The following STAC variants were observed in gnomAD, a reference collection of about 807,000 sequenced individuals.
The protein encoded by STAC is SH3 and cysteine rich domain.
Under a neutral mutation model 48.8 loss-of-function variants are expected in STAC, and 43 were observed. The ratio of observed to expected loss-of-function variants is 0.88; its 90% CI spans 0.69 to 1.14. The LOEUF is 1.14. Ranked by LOEUF, STAC falls within the 50% of genes most tolerant of loss-of-function variation. The probability of loss-of-function intolerance (pLI) is 0.00; values close to 1 mark genes in which losing one functional copy is unlikely to be tolerated. For synonymous variants in STAC, 193 were observed against 179.5 expected (o/e 1.07, Z -0.60); for missense variants, 497 against 504.0 (o/e 0.99, Z 0.13).
intron 1 of STAC, among the ~76,000 whole-genome samples, chr3:36,400,314 C>T (rs1699975281): frequency 6.6e-6 from 1 of 152,176 alleles, no homozygotes; most frequent in South Asian, 2.1e-4. Context: ...GTCATTTGTC[C>T]ACGTGTTATA....
chr3:36,455,374 T>C (rs764785242), intron 2 of STAC, among the ~76,000 whole-genome samples: 29 of 152,196 alleles, frequency 1.9e-4, no homozygotes, highest in Non-Finnish European at 4.0e-4. Flanking sequence ...AAGAGTTTTC[T>C]TTACTTGAAG....
At chr3:36,526,511 A>C (rs1158874453) in intron 8 of STAC, among the ~76,000 whole-genome samples, 1 of 152,172 alleles carries the variant, frequency 6.6e-6, no homozygotes, top group Non-Finnish European at 1.5e-5. Context: ...AGAAATGTGG[A>C]ATAGGGCAAA....
rs568329069 is a variant in STAC, at chr3:36,500,327, A to G, written c.767-4066A>G. On this transcript the variant is annotated intron_variant, in intron 6 of 10. Coordinates refer to ENST00000273183, the MANE Select transcript of STAC (RefSeq NM_003149.3). ...GGATGGAGCTAGAAGCCATTATCCT[A>G]AACAAACCAATGCAGAAACAGAAAA... Among the ~76,000 whole-genome samples the G allele has an allele frequency of 7.9e-4, 120 of 152,340 alleles. No individual in the cohort carries two copies. In the Middle Eastern group the frequency reaches 0.01, roughly 13 times the overall value.
intron 8 of STAC, among the ~76,000 whole-genome samples, chr3:36,510,087 C>T (rs957455609): frequency 2.6e-5 from 4 of 151,838 alleles, no homozygotes; most frequent in African/African-American, 7.3e-5. Flanking sequence ...TATGCAGAAT[C>T]GACAAGGAAC....
At chr3:36,519,567 C>T (rs547378809) in intron 8 of STAC, among the ~76,000 whole-genome samples, 1 of 152,276 alleles carries the variant, frequency 6.6e-6, no homozygotes, top group African/African-American at 2.4e-5. Flanking sequence ...CACTTTATCC[C>T]TTTTTGGCCC....
At chr3:36,425,072 C>T (rs1405003160) in intron 1 of STAC, among the ~76,000 whole-genome samples, 2 of 152,138 alleles carry the variant, frequency 1.3e-5, no homozygotes, top group Non-Finnish European at 2.9e-5. Context: ...ATCTCAAAGT[C>T]TCATAGTCAC....
At chr3:36,433,522 A>G (rs1285993106) in intron 1 of STAC, among the ~76,000 whole-genome samples, 1 of 152,206 alleles carries the variant, frequency 6.6e-6, no homozygotes, top group African/African-American at 2.4e-5. Flanking sequence ...CCTGTTTCTG[A>G]CATATTAGAG....
chr3:36,446,948 T>C, intron 2 of STAC, among the ~76,000 whole-genome samples: 1 of 152,174 alleles, frequency 6.6e-6, no homozygotes, highest in East Asian at 1.9e-4. Context: ...GAAATAATAA[T>C]GACAATGTCT....
intron 10 of STAC, among the ~76,000 whole-genome samples, chr3:36,531,854 T>C (rs1373700171): frequency 1.3e-5 from 2 of 152,190 alleles, no homozygotes; most frequent in Non-Finnish European, 2.9e-5. Context: ...TCTTCAAATA[T>C]TGTGTCACCA....
intron 5 of STAC, 40 bp from the exon 6 acceptor site, chr3:36,493,111 T>G (rs1233127227): frequency 6.3e-6 from 10 of 1,588,438 alleles, no homozygotes; most frequent in Admixed American, 5.0e-5. Flanking sequence ...ACCACAGATA[T>G]AACATTGTTC....
chr3:36,492,802 T>C (rs1333144682), intron 5 of STAC, among the ~76,000 whole-genome samples: 1 of 152,216 alleles, frequency 6.6e-6, no homozygotes, highest in East Asian at 1.9e-4. Flanking sequence ...TAGCGTTTTA[T>C]TGAAAGTTTT....
At chr3:36,509,559 C>G (rs543771261) in intron 8 of STAC, among the ~76,000 whole-genome samples, 1 of 152,198 alleles carries the variant, frequency 6.6e-6, no homozygotes, top group South Asian at 2.1e-4. Flanking sequence ...TAGGTTTGGT[C>G]TTTTCCATAG....
chr3:36,526,176 G>A (rs973185709), intron 8 of STAC, among the ~76,000 whole-genome samples: 26 of 152,080 alleles, frequency 1.7e-4, no homozygotes, highest in African/African-American at 5.6e-4. Flanking sequence ...AAAGAGACCC[G>A]GAATGCACAG....
At position 36,443,757 on chromosome 3, in the gene STAC, G is replaced by C. The variant is rs1434027401; in HGVS notation, c.388+117G>C. 1 of 1,341,900 alleles carries C rather than the reference G, an allele frequency of 7.5e-7. No individual in the cohort carries two copies. The highest frequency in any genetic ancestry group is 1.0e-6 in the Non-Finnish European group (1 of 978,966). 83.1% of individuals were successfully genotyped at this position (1,341,900 alleles called of 1,614,324 possible). A position where few individuals can be genotyped will look rare whatever the true frequency, so the allele number is the denominator to read the frequency against. ...TGCTAGGCCTCAGAGATTTACATGT[G>C]GGAAGATCATTCAGGAGTGCTTTGG... is the stretch of plus-strand genomic sequence containing the variant. On this transcript the variant is annotated intron_variant, in intron 2 of 10. Transcript: ENST00000273183. This position sits in a 1 kb window ranked among gnomAD's most constrained non-coding sequence, Gnocchi z 4.2.
intron 1 of STAC, among the ~76,000 whole-genome samples, chr3:36,408,149 C>T (rs923012361): frequency 1.3e-5 from 2 of 152,226 alleles, no homozygotes; most frequent in Non-Finnish European, 2.9e-5. Context: ...AACAACGTAG[C>T]AATCATCACA....
intron 1 of STAC, among the ~76,000 whole-genome samples, chr3:36,398,785 T>C (rs1022682018): frequency 6.6e-6 from 1 of 152,204 alleles, no homozygotes; most frequent in African/African-American, 2.4e-5. Flanking sequence ...ATCATCTGAC[T>C]TGAAGGAGCC....
intron 8 of STAC, among the ~76,000 whole-genome samples, chr3:36,527,834 GACAC>G (rs142382090): frequency 1.3e-5 from 2 of 151,634 alleles, no homozygotes; most frequent in Non-Finnish European, 2.9e-5. Context: ...GTAGAATGTT[GACAC>G]ACACACACAC....
At chr3:36,430,601 A>G (rs1700677954) in intron 1 of STAC, among the ~76,000 whole-genome samples, 1 of 152,220 alleles carries the variant, frequency 6.6e-6, no homozygotes. Context: ...TTGATGTTTT[A>G]GGAGCACAAT....
intron 1 of STAC, among the ~76,000 whole-genome samples, chr3:36,429,386 G>A (rs1306108260): frequency 6.6e-6 from 1 of 152,234 alleles, no homozygotes; most frequent in Non-Finnish European, 1.5e-5. Context: ...CGCCAGAGCA[G>A]AGAGAGATAT....
Sources: allele counts gnomAD v4.1 joint callset (sites outside exome capture counted in the v4.1 genomes callset), GRCh38; gene constraint gnomAD v4.1.1; non-coding constraint Gnocchi (gnomAD v3.1); transcripts MANE v1.5; gene names NCBI Gene and HGNC (gene_info 2026-07-23, HGNC 2026-07-21).